Variants in SPATA6 observed in about 807,000 individuals in gnomAD.
The protein encoded by SPATA6 is spermatogenesis associated 6, also known as spermatogenesis-associated protein 6.
In SPATA6, 56 loss-of-function variants were observed where a neutral mutation model predicts 65.3. That is an observed-to-expected ratio of 0.86 (90% confidence interval 0.69 to 1.07). The LOEUF (loss-of-function observed/expected upper bound fraction) is 1.07. Ranked by LOEUF, SPATA6 falls within the 50% of genes least tolerant of loss-of-function variation. SPATA6 has a pLI of 0.00. For missense variants in SPATA6, 590 were observed against 594.8 expected (o/e 0.99, Z 0.08); for synonymous variants, 199 against 213.2 (o/e 0.93, Z 0.58).
intron 9 of SPATA6, among the ~76,000 whole-genome samples, chr1:48,369,509 G>A (rs12401830): frequency 0.18 from 26,691 of 152,154 alleles, 2,949 homozygotes; most frequent in Middle Eastern, 0.29. Flanking sequence ...CCTGGCTGCC[G>A]CCTTGCAGTT....
chr1:48,286,669 T>C, the SPATA6 span, among the ~76,000 whole-genome samples: 32 of 152,128 alleles, frequency 2.1e-4, no homozygotes, highest in African/African-American at 7.5e-4. Context: ...TCTGGCTAGG[T>C]AATATAGTTT....
intron 11 of SPATA6, among the ~76,000 whole-genome samples, chr1:48,312,312 C>A (rs1645242457): frequency 6.6e-6 from 1 of 152,228 alleles, no homozygotes; most frequent in Middle Eastern, 3.4e-3. Context: ...TGGGAGGCAC[C>A]CCCCAGTAGG....
chr1:48,268,736 C>A, the SPATA6 span, among the ~76,000 whole-genome samples: 2 of 152,064 alleles, frequency 1.3e-5, no homozygotes, highest in Non-Finnish European at 2.9e-5. Flanking sequence ...AACTTCCTTA[C>A]CAATATGCAC....
intron 3 of SPATA6, among the ~76,000 whole-genome samples, chr1:48,430,015 A>G (rs989949296): frequency 3.3e-5 from 5 of 152,196 alleles, no homozygotes; most frequent in Admixed American, 3.3e-4. Flanking sequence ...AAAAGGACCA[A>G]TGGACACACT....
At chr1:48,441,470 A>G (rs112198738) in intron 3 of SPATA6, among the ~76,000 whole-genome samples, 4,361 of 122,634 alleles carry the variant, frequency 0.036, 108 homozygotes, top group African/African-American at 0.094. Context: ...ACCCTTATTA[A>G]GGAGGGACAT....
intron 12 of SPATA6, among the ~76,000 whole-genome samples, chr1:48,303,348 G>C (rs185718979): frequency 6.6e-6 from 1 of 151,912 alleles, no homozygotes. Context: ...ACCCTACTGG[G>C]CTATCAAACT....
At chr1:48,281,882 C>A in the SPATA6 span, among the ~76,000 whole-genome samples, 3 of 152,316 alleles carry the variant, frequency 2.0e-5, no homozygotes, top group African/African-American at 4.8e-5. Flanking sequence ...CCAAGTCAAT[C>A]CTAAGCCAAA....
the SPATA6 span, among the ~76,000 whole-genome samples, chr1:48,272,097 CTT>C: frequency 6.6e-6 from 1 of 152,118 alleles, no homozygotes; most frequent in Non-Finnish European, 1.5e-5. Flanking sequence ...TAAGGCATAA[CTT>C]GACGTTTTGA....
chr1:48,371,100 A>T (rs1185726518), intron 9 of SPATA6, among the ~76,000 whole-genome samples: 1 of 152,218 alleles, frequency 6.6e-6, no homozygotes, highest in African/African-American at 2.4e-5. Flanking sequence ...CAGGAATGTT[A>T]AAGAATAAGC....
At chr1:48,330,006 A>C (rs1354827296) in intron 11 of SPATA6, among the ~76,000 whole-genome samples, 1 of 152,218 alleles carries the variant, frequency 6.6e-6, no homozygotes, top group Non-Finnish European at 1.5e-5. Flanking sequence ...CCTGGAGCAG[A>C]CCAGCACCAG....
intron 9 of SPATA6, among the ~76,000 whole-genome samples, chr1:48,378,611 A>C (rs1183950159): frequency 6.6e-6 from 1 of 152,196 alleles, no homozygotes; most frequent in African/African-American, 2.4e-5. Flanking sequence ...AAGAAGCAAA[A>C]GCGGAAAGCC....
chr1:48,375,993 CCTTAA>C (rs1243093461), intron 9 of SPATA6, among the ~76,000 whole-genome samples: 1 of 152,128 alleles, frequency 6.6e-6, no homozygotes, highest in Non-Finnish European at 1.5e-5. Flanking sequence ...AAAATTCCTT[CCTTAA>C]AAGATTTGCT....
chr1:48,283,545 G>A, the SPATA6 span, among the ~76,000 whole-genome samples: 3,702 of 150,522 alleles, frequency 0.025, 99 homozygotes, highest in African/African-American at 0.067. Flanking sequence ...TGGGCATGGT[G>A]GCAGGTGCTT....
chr1:48,293,543 T>A (rs1430263778), downstream of SPATA6, among the ~76,000 whole-genome samples: 1 of 152,134 alleles, frequency 6.6e-6, no homozygotes, highest in Non-Finnish European at 1.5e-5. Flanking sequence ...AATACTTCCT[T>A]CTTGAATATC....
chr1:48,364,909 T>C (rs1316819190), intron 9 of SPATA6, among the ~76,000 whole-genome samples: 3 of 152,254 alleles, frequency 2.0e-5, no homozygotes, highest in Non-Finnish European at 2.9e-5. Flanking sequence ...CTAGGTTTTC[T>C]TCTAGGGTTT....
At chr1:48,304,253 TAA>T (rs912181193) in intron 12 of SPATA6, among the ~76,000 whole-genome samples, 1 of 152,194 alleles carries the variant, frequency 6.6e-6, no homozygotes, top group African/African-American at 2.4e-5. Context: ...AGTATATATA[TAA>T]GAGAAGCAGC....
chr1:48,282,897 G>A, the SPATA6 span, among the ~76,000 whole-genome samples: 1 of 151,940 alleles, frequency 6.6e-6, no homozygotes, highest in Non-Finnish European at 1.5e-5. Flanking sequence ...CATTTATTGT[G>A]GCACTATTCA....
At chr1:48,335,717 G>T (rs1646041442) in intron 11 of SPATA6, among the ~76,000 whole-genome samples, 1 of 152,120 alleles carries the variant, frequency 6.6e-6, no homozygotes, top group South Asian at 2.1e-4. Flanking sequence ...TTTGACATAG[G>T]AATAGGCAAA....
intron 11 of SPATA6, among the ~76,000 whole-genome samples, chr1:48,315,837 C>T (rs957956549): frequency 1.3e-5 from 2 of 152,114 alleles, no homozygotes; most frequent in Non-Finnish European, 1.5e-5. Flanking sequence ...GCAACGTCAG[C>T]AAAGTTTCAG....
Sources: allele counts gnomAD v4.1 joint callset (sites outside exome capture counted in the v4.1 genomes callset), GRCh38; gene constraint gnomAD v4.1.1; transcripts MANE v1.5; gene names NCBI Gene and HGNC (gene_info 2026-07-23, HGNC 2026-07-21).